Variants in TDG observed in about 807,000 individuals in gnomAD.
TDG encodes G/T mismatch-specific thymine DNA glycosylase.
TDG carries 23 observed loss-of-function variants against 46.1 expected under a neutral mutation model. That is an observed-to-expected ratio of 0.50 (90% CI 0.36 to 0.71). TDG has a LOEUF of 0.71. Ranked by LOEUF, TDG falls within the 30% of genes least tolerant of loss-of-function variation. The pLI is 0.00. For synonymous variants in TDG, 115 were observed against 161.3 expected (o/e 0.71, Z 2.18); for missense variants, 304 against 486.7 (o/e 0.62, Z 3.53).
chr12:103,967,869 C>G (rs1462599265), intron 1 of TDG: 1 of 115,772 alleles, frequency 8.6e-6, no homozygotes, highest in Non-Finnish European at 2.0e-5. Context: ...CACTCTGTTG[C>G]CCAAGATGGA....
chr12:103,968,475 G>A (rs1199877358), intron 1 of TDG, among the ~76,000 whole-genome samples: 1 of 152,066 alleles, frequency 6.6e-6, no homozygotes, highest in African/African-American at 2.4e-5. Context: ...CATGGTGGCA[G>A]CAGACAACAG....
chr12:103,967,620 C>T (rs1391456581), intron 1 of TDG, among the ~76,000 whole-genome samples: 3 of 151,816 alleles, frequency 2.0e-5, no homozygotes, highest in Non-Finnish European at 4.4e-5. Context: ...CCAGGCCTGG[C>T]TAATTTTTGT....
At chr12:103,978,626 G>A (rs1871654692) in intron 2 of TDG, among the ~76,000 whole-genome samples, 1 of 152,170 alleles carries the variant, frequency 6.6e-6, no homozygotes. Context: ...TTGGGGAAAC[G>A]CCAAAGAGGA....
chr12:103,973,085 C>CTTTTTTTTTTT, intron 1 of TDG: 2 of 308,242 alleles, frequency 6.5e-6, no homozygotes, highest in Non-Finnish European at 5.5e-6. Flanking sequence ...ACGTTTCATA[C>CTTTTTTTTTTT]ATTTTTTTTT....
At chr12:103,981,061 CTG>C in intron 4 of TDG, 99 bp downstream of exon 4, 2 of 1,001,980 alleles carry the variant, frequency 2.0e-6, no homozygotes, top group Non-Finnish European at 3.0e-6. Context: ...AAGAAAGAGA[CTG>C]TAAATACACA....
intron 2 of TDG, among the ~76,000 whole-genome samples, chr12:103,979,157 C>T (rs540617710): frequency 3.0e-4 from 39 of 130,452 alleles, no homozygotes; most frequent in Admixed American, 2.1e-3. Context: ...GGCTGGAATG[C>T]AGAGGCATGA....
At chr12:103,985,012 TATACAC>T (rs1333093788) in intron 8 of TDG, 92 bp downstream of exon 8, 62 of 1,013,986 alleles carry the variant, frequency 6.1e-5, no homozygotes, top group Non-Finnish European at 7.9e-5. Flanking sequence ...CATATATACA[TATACAC>T]ATATACATAT....
rs4135116 is a variant in TDG, at chr12:103,984,140, A to T, written c.793-609A>T. 2.1e-3 allele frequency among the ~76,000 whole-genome samples: 320 copies of T among 152,320 alleles called. 4 individuals are homozygous for T. Among genetic ancestry groups the T allele is most frequent in the Non-Finnish European group, 2.3e-3 (158 of 68,022 alleles). ...TTCTCCTTTAAAATTGTTTTTGTTC[A>T]TAATTTCTTATAAATATGCAATTGA... On this transcript the variant is annotated intron_variant, in intron 7 of 9. Coordinates refer to ENST00000392872, the MANE Select transcript of TDG (RefSeq NM_003211.6).
Position 103,984,797 on chromosome 12 carries a change from C to A in TDG, c.841C>A (p.Arg281=). 1 of 1,612,718 alleles carries A rather than the reference C, an allele frequency of 6.2e-7. No individual in the cohort carries two copies. Among genetic ancestry groups the A allele is most frequent in the Non-Finnish European group, 8.5e-7 (1 of 1,178,926 alleles). The change falls in exon 8 of 10, where the codon CGA becomes AGA. Residue 281 remains arginine (R), a synonymous_variant. Coordinates refer to ENST00000392872, the MANE Select transcript of TDG (RefSeq NM_003211.6). Reference sequence around the variant, plus strand: ...CAGTGCAAGATGTGCTCAGTTTCCTCGAGCCCAAGACAAAGTTCATTACTA... The same window carrying A: ...CAGTGCAAGATGTGCTCAGTTTCCTAGAGCCCAAGACAAAGTTCATTACTA... ...SSSARCAQFP[R]AQDKVHYYIK...
chr12:103,979,895 A>G lies in TDG; in HGVS notation c.231A>G (p.Lys77=), dbSNP rs1270103889. The G allele has an allele frequency of 2.5e-6, 4 of 1,607,898 alleles. No homozygotes were observed. Among genetic ancestry groups the G allele is most frequent in the Admixed American group, 1.7e-5 (1 of 58,764 alleles). The change falls in exon 3 of 10, where the codon AAA becomes AAG. Residue 77 remains lysine (K), a synonymous_variant. Transcript: ENST00000392872. ...AACCAAAACAACCAGTGGAACCCAA[A>G]AAACCTGTTGAGTCAAAAAAATCTG... ...TTEPKQPVEP[K]KPVESKKSGK...
chr12:103,972,847 T>C, intron 1 of TDG: 1 of 449,404 alleles, frequency 2.2e-6, no homozygotes, highest in East Asian at 3.4e-5. Context: ...AACCCCAGAA[T>C]TTCTGAAGAT....
At chr12:103,980,336 A>G (rs1871762551) in intron 3 of TDG, 2 of 416,250 alleles carry the variant, frequency 4.8e-6, no homozygotes, top group South Asian at 3.2e-5. Flanking sequence ...CGGTTTTCTC[A>G]TTGATAAACC....
chr12:103,967,797 A>G (rs1161741825), intron 1 of TDG: 1 of 147,388 alleles, frequency 6.8e-6, no homozygotes, highest in Non-Finnish European at 1.5e-5. Context: ...CAAAGAAGAA[A>G]ATTCAAATTC....
At chr12:103,980,720 A>G (rs1871781823) in intron 3 of TDG, 173 bp from the exon 4 acceptor site, 2 of 519,156 alleles carry the variant, frequency 3.9e-6, no homozygotes, top group Non-Finnish European at 6.7e-6. Flanking sequence ...TCTTTCCCAT[A>G]TATGAAATAC....
At chr12:103,968,992 G>A (rs1054955667) in intron 1 of TDG, among the ~76,000 whole-genome samples, 1 of 152,220 alleles carries the variant, frequency 6.6e-6, no homozygotes, top group African/African-American at 2.4e-5. Context: ...GCTGGGCATG[G>A]TGGCATAACT....
chr12:103,977,786 G>C (rs1403339887), intron 2 of TDG, among the ~76,000 whole-genome samples: 1 of 152,096 alleles, frequency 6.6e-6, no homozygotes, highest in Non-Finnish European at 1.5e-5. Context: ...GAGGCAGGCC[G>C]GGCACAGTGG....
intron 1 of TDG, among the ~76,000 whole-genome samples, chr12:103,971,697 G>C (rs1323907600): frequency 1.3e-5 from 2 of 152,118 alleles, no homozygotes; most frequent in African/African-American, 2.4e-5. Flanking sequence ...AAGAATATTT[G>C]AGACTAAGAT....
intron 1 of TDG, among the ~76,000 whole-genome samples, chr12:103,967,019 T>C (rs1871068140): frequency 6.6e-6 from 1 of 152,210 alleles, no homozygotes; most frequent in African/African-American, 2.4e-5. Context: ...AAGTGTGGAC[T>C]TTATCTTGAC....
intron 1 of TDG, among the ~76,000 whole-genome samples, chr12:103,971,378 A>G (rs1166020477): frequency 6.6e-6 from 1 of 152,184 alleles, no homozygotes; most frequent in African/African-American, 2.4e-5. Context: ...CCTGACCAAC[A>G]TGGTGAAACC....
Sources: allele counts gnomAD v4.1 joint callset (sites outside exome capture counted in the v4.1 genomes callset), GRCh38; gene constraint gnomAD v4.1.1; transcripts MANE v1.5; gene names NCBI Gene and HGNC (gene_info 2026-07-23, HGNC 2026-07-21).